SPTBN5: variants seen among roughly 807,000 people sequenced by gnomAD.
The protein encoded by SPTBN5 is spectrin beta chain, non-erythrocytic 5.
In SPTBN5, 513 loss-of-function variants were observed where a neutral mutation model predicts 477.6. That is an observed-to-expected ratio of 1.07 (90% CI 1.00 to 1.16). SPTBN5 has a LOEUF of 1.16. SPTBN5 is among the 50% of genes most tolerant of loss of function. SPTBN5 has a pLI of 0.00. For synonymous variants in SPTBN5, 2,169 were observed against 2,011.7 expected (o/e 1.08, Z -2.09); for missense variants, 5,062 against 4,731.8 (o/e 1.07, Z -2.05).
chr15:41,874,443 C>T lies in SPTBN5; in HGVS notation c.4538G>A (p.Gly1513Asp). The change falls in exon 24 of 68, where the codon GGC becomes GAC. Residue 1513 changes from glycine (G) to aspartate (D), a missense_variant. Gly to Asp is a moderately conservative substitution (Grantham distance 94, BLOSUM62 -1). Coordinates refer to ENST00000320955, the MANE Select transcript of SPTBN5 (RefSeq NM_016642.4). ...ELLQGHLAIR[G>D]LQLQASVELH... Reference sequence around the variant, plus strand: ...CTCCACTGAGGCCTGCAGCTGCAGGCCCCGGATGGCCAGATGCCCCTGCAG... The same window carrying T: ...CTCCACTGAGGCCTGCAGCTGCAGGTCCCGGATGGCCAGATGCCCCTGCAG... 2 of 1,611,554 alleles carry T rather than the reference C, an allele frequency of 1.2e-6. No individual in the cohort carries two copies. Among genetic ancestry groups the T allele is most frequent in the Non-Finnish European group, 1.7e-6 (2 of 1,179,194 alleles).
intron 39 of SPTBN5, among the ~76,000 whole-genome samples, chr15:41,865,378 T>C (rs185898096): frequency 4.9e-4 from 74 of 152,332 alleles, no homozygotes; most frequent in African/African-American, 1.7e-3. Context: ...GCCAAAGTCC[T>C]GCAGAGAGGT....
rs760646273 is a variant in SPTBN5, at chr15:41,855,543, G to T, written c.9218+6C>A. On this transcript the variant is annotated splice_donor_region_variant and intron_variant, in intron 54 of 67. Coordinates refer to ENST00000320955, the MANE Select transcript of SPTBN5 (RefSeq NM_016642.4). Reference sequence around the variant, plus strand: ...CTCCTTCGCGGATGGTGTGGCTTCCGCCCACCTTTCTGGGTTCTTCCTGCT... The same window carrying T: ...CTCCTTCGCGGATGGTGTGGCTTCCTCCCACCTTTCTGGGTTCTTCCTGCT... 1 of 1,605,862 alleles carries T rather than the reference G, an allele frequency of 6.2e-7. No homozygotes were observed. The highest frequency in any genetic ancestry group is 2.2e-5 in the East Asian group (1 of 44,622).
In SPTBN5 at chr15:41,893,535, G is replaced by A. The variant is rs1189033437; in HGVS notation, c.-38C>T. ...CTTTGGGGATGAGGAGCTGCTGGAT[G>A]GCTCCCTAAACCTGGAGGGCATGCA... is the stretch of plus-strand genomic sequence containing the variant. On this transcript the variant is annotated 5_prime_UTR_variant, in exon 2 of 68. Coordinates refer to ENST00000320955, the MANE Select transcript of SPTBN5 (RefSeq NM_016642.4). 6.5e-7 allele frequency: 1 copy of A among 1,539,710 alleles called. No homozygotes were observed. Among genetic ancestry groups the A allele is most frequent in the African/African-American group, 1.4e-5 (1 of 73,364 alleles).
chr15:41,891,980 A>G (rs1253623588), intron 3 of SPTBN5, among the ~76,000 whole-genome samples: 26 of 152,140 alleles, frequency 1.7e-4, no homozygotes. Flanking sequence ...CCTGGAGGGG[A>G]GATGACTGGC....
At chr15:41,850,665 GTGATCT>G (rs2065722158) in intron 66 of SPTBN5, 183 bp downstream of exon 66, 1 of 597,998 alleles carries the variant, frequency 1.7e-6, no homozygotes, top group Admixed American at 3.0e-5. Flanking sequence ...AATTAGCTGT[GTGATCT>G]TGGGCAAGTT....
intron 19 of SPTBN5, 66 bp downstream of exon 19, chr15:41,876,743 G>C: frequency 6.2e-7 from 1 of 1,605,500 alleles, no homozygotes; most frequent in Non-Finnish European, 8.5e-7. Context: ...CCCAGCCCTA[G>C]GGCGGCCGTC....
At chr15:41,872,925 A>G (rs1024101531) in intron 26 of SPTBN5, among the ~76,000 whole-genome samples, 2 of 152,194 alleles carry the variant, frequency 1.3e-5, no homozygotes, top group Non-Finnish European at 2.9e-5. Context: ...TGCAGGAAAC[A>G]TGCCCAGACA....
chr15:41,871,825 G>C lies in SPTBN5; in HGVS notation c.5258C>G (p.Ala1753Gly). 6.3e-7 allele frequency: 1 copy of C among 1,592,180 alleles called. No homozygotes were observed. Among genetic ancestry groups the C allele is most frequent in the Non-Finnish European group, 8.5e-7 (1 of 1,169,734 alleles). ...CTCTCCCAGGCTCTCCCCTCCTTTG[G>C]CTGCCTGCTTCTGGCTTGCCAGCCA... The part of the protein sequence containing the change: ...QGWLASQKQA[A>G]KGGESLGEDP... Residue 1753 changes from alanine (A) to glycine (G), a missense_variant, in exon 28 of 68, where the codon GCC (alanine) becomes GGC (glycine). Physicochemically the swap from Ala to Gly is moderately conservative, Grantham distance 60. Coordinates refer to ENST00000320955, the MANE Select transcript of SPTBN5 (RefSeq NM_016642.4).
At chr15:41,874,253 C>T (rs1400367902) in intron 24 of SPTBN5, 39 bp downstream of exon 24, 19 of 1,578,032 alleles carry the variant, frequency 1.2e-5, no homozygotes, top group South Asian at 9.3e-5. Flanking sequence ...GTCTGGGAAG[C>T]GGATGTCGGT....
rs754318692 is a variant in SPTBN5 at position 41,854,933 on chromosome 15, C to T, written c.9467G>A (p.Ser3156Asn). ...KFDAFRKEVQ[S>N]LGQAKVYALR... The stretch of plus-strand genomic sequence containing the variant: ...GGCATACACCTTGGCCTGGCCCAGG[C>T]TCTGCACTTCCTTTCTGAAAGCATC... Residue 3156 changes from serine to asparagine, a missense_variant, in exon 56 of 68, where the codon AGC becomes AAC. Ser to Asn is a conservative substitution (Grantham distance 46, BLOSUM62 1). Coordinates refer to ENST00000320955, the MANE Select transcript of SPTBN5 (RefSeq NM_016642.4). The T allele has an allele frequency of 1.3e-6, 2 of 1,571,840 alleles. No individual in the cohort carries two copies. Among genetic ancestry groups the T allele is most frequent in the Middle Eastern group, 3.4e-4 (2 of 5,878 alleles).
chr15:41,860,775 A>G lies in SPTBN5; in HGVS notation c.7816-17T>C. On this transcript the variant is annotated splice_polypyrimidine_tract_variant and intron_variant, in intron 46 of 67. Coordinates refer to ENST00000320955, the MANE Select transcript of SPTBN5 (RefSeq NM_016642.4). ...CAAGGGGTCCTGGTGGGAGTGGGGA[A>G]CCCAATACTGTCCATGAGCCTCCCC... 1.9e-6 allele frequency: 3 copies of G among 1,540,434 alleles called. No homozygotes were observed. Among genetic ancestry groups the G allele is most frequent in the South Asian group, 1.3e-5 (1 of 78,654 alleles).
In SPTBN5 at chr15:41,879,291, T is replaced by G; in HGVS notation, c.3151A>C (p.Arg1051=). ...AQKKTLVLER[R]VHFLQSVVVK... ...ACCACACTTTGGAGGAAGTGGACCC[T>G]CCTCTCCAGCACCAGGGTCTTCTTC... is the stretch of plus-strand genomic sequence containing the variant. Residue 1051 remains arginine, a synonymous_variant, in exon 16 of 68, where the codon AGG becomes CGG. Coordinates refer to ENST00000320955, the MANE Select transcript of SPTBN5 (RefSeq NM_016642.4). The G allele has an allele frequency of 6.2e-7, 1 of 1,611,972 alleles. No individual in the cohort carries two copies.
At position 41,849,957 on chromosome 15, in the gene SPTBN5, G is replaced by A. The variant is rs1365739974; in HGVS notation, c.10924C>T (p.Gln3642Ter). 17 of 1,587,344 alleles carry A rather than the reference G, an allele frequency of 1.1e-5. No individual in the cohort carries two copies. The highest frequency in any genetic ancestry group is 1.4e-5 in the Non-Finnish European group (16 of 1,166,376). ...GCTTTGAGTTTTGGGCTCAGACTCT[G>A]GGCTGCAGAGCAAGGGAATAACCAC... ...WWRALGSTAA[Q>*]SLSPKLKAKP... The change falls in exon 67 of 68, where the codon CAG (glutamine) becomes TAG (stop). Residue 3642 changes from glutamine (Q) to a stop codon, truncating the protein, a stop_gained and splice_region_variant. Coordinates refer to ENST00000320955, the MANE Select transcript of SPTBN5 (RefSeq NM_016642.4). LOFTEE classifies it high-confidence loss of function.
chr15:41,855,730 A>G lies in SPTBN5; in HGVS notation c.9037T>C (p.Ser3013Pro). Residue 3013 changes from serine (S) to proline (P), a missense_variant, in exon 54 of 68, where the codon TCC (serine) becomes CCC (proline). Transcript: ENST00000320955. ...ACATGGCCCCGCTCAGCCAGCCAGG[A>G]TCCCGCCTCCAGGAGCTGGGGGTGA... ...QFLTELLEAGSWLAERGHVLD... is the reference protein window; with the variant it reads ...QFLTELLEAGPWLAERGHVLD... 1.3e-6 allele frequency: 2 copies of G among 1,584,224 alleles called. No individual in the cohort carries two copies. Among genetic ancestry groups the G allele is most frequent in the Non-Finnish European group, 1.7e-6 (2 of 1,165,458 alleles).
chr15:41,891,178 G>T (rs1165929599), intron 3 of SPTBN5, among the ~76,000 whole-genome samples: 1 of 152,196 alleles, frequency 6.6e-6, no homozygotes, highest in Non-Finnish European at 1.5e-5. Context: ...TCTTGGCTTT[G>T]TTTTCTGGTG....
intron 41 of SPTBN5, 89 bp downstream of exon 41, chr15:41,863,615 G>C (rs1029292532): frequency 1.3e-5 from 13 of 1,026,180 alleles, no homozygotes; most frequent in Middle Eastern, 2.3e-4. Flanking sequence ...GCCAGTGAGG[G>C]GGGAGACGCA....
chr15:41,871,088 G>A (rs1394771114), intron 29 of SPTBN5, among the ~76,000 whole-genome samples: 1 of 152,244 alleles, frequency 6.6e-6, no homozygotes, highest in African/African-American at 2.4e-5. Context: ...CAGGAGCTGG[G>A]GTAGCTCAGG....
intron 47 of SPTBN5, among the ~76,000 whole-genome samples, chr15:41,860,313 C>T (rs1377644339): frequency 6.6e-6 from 1 of 152,254 alleles, no homozygotes; most frequent in African/African-American, 2.4e-5. Context: ...ATGATTTCCT[C>T]TTGGTCTCCT....
In SPTBN5 at chr15:41,862,267, G is replaced by C. The variant is rs1373685651; in HGVS notation, c.7411C>G (p.Gln2471Glu). 1 of 1,607,410 alleles carries C rather than the reference G, an allele frequency of 6.2e-7. No homozygotes were observed. Residue 2471 changes from glutamine to glutamate, a missense_variant, in exon 44 of 68, where the codon CAA becomes GAA. Transcript: ENST00000320955. The part of the protein sequence containing the change: ...KRREALDALH[Q>E]AQKLQAMLQE... ...AGCATTGCCTGGAGTTTCTGAGCTT[G>C]GTGCAAGGCATCCAGCGCCTCCCTC...
Sources: gnomAD v4.1 joint callset for allele counts (sites outside exome capture counted in the v4.1 genomes callset) on GRCh38, gnomAD v4.1.1 for gene constraint, MANE v1.5 for transcripts, NCBI Gene and HGNC (gene_info 2026-07-23, HGNC 2026-07-21) for gene names.